Variants in CDKAL1 observed in about 807,000 individuals in gnomAD.
CDKAL1 encodes the protein threonylcarbamoyladenosine tRNA methylthiotransferase.
A neutral mutation model predicts 68.2 loss-of-function variants in CDKAL1; 32 were observed. That is an observed-to-expected ratio of 0.47 (90% CI 0.35 to 0.63). The LOEUF (loss-of-function observed/expected upper bound fraction) is 0.63. CDKAL1 is among the 30% of genes least tolerant of loss of function. CDKAL1 has a pLI of 0.00. For missense variants in CDKAL1, 606 were observed against 696.7 expected (o/e 0.87, Z 1.47); for synonymous variants, 234 against 244.3 (o/e 0.96, Z 0.39).
At chr6:21,134,070 G>A (rs958263783) in intron 13 of CDKAL1, among the ~76,000 whole-genome samples, 6 of 152,128 alleles carry the variant, frequency 3.9e-5, no homozygotes, top group Admixed American at 2.6e-4. Flanking sequence ...TCGTGGGGGC[G>A]TATGTGGCCG....
chr6:20,812,782 T>A (rs9368239), intron 8 of CDKAL1, among the ~76,000 whole-genome samples: 62,052 of 151,972 alleles, frequency 0.41, 12,948 homozygotes, highest in South Asian at 0.44. Context: ...TGTTTATTCG[T>A]TTACCTGTTG....
intron 11 of CDKAL1, among the ~76,000 whole-genome samples, chr6:21,046,041 CTT>C (rs1770209684): frequency 1.3e-5 from 2 of 152,156 alleles, no homozygotes; most frequent in Non-Finnish European, 2.9e-5. Flanking sequence ...CATTGGGCAG[CTT>C]ACATGACCTT....
intron 10 of CDKAL1, among the ~76,000 whole-genome samples, chr6:20,965,471 A>G (rs1166248184): frequency 1.3e-5 from 2 of 152,032 alleles, no homozygotes; most frequent in African/African-American, 2.4e-5. Flanking sequence ...TTGAATATCT[A>G]TCCTGGGTCA....
At chr6:21,205,830 C>CTTTTTTTT (rs34849597) in intron 15 of CDKAL1, among the ~76,000 whole-genome samples, 3 of 66,610 alleles carry the variant, frequency 4.5e-5, no homozygotes, top group African/African-American at 1.7e-4. Flanking sequence ...CGCGCCCAGC[C>CTTTTTTTT]TTTTTTTTTT....
At chr6:20,988,652 A>T (rs899568818) in intron 10 of CDKAL1, among the ~76,000 whole-genome samples, 4 of 151,536 alleles carry the variant, frequency 2.6e-5, no homozygotes, top group Non-Finnish European at 4.4e-5. Flanking sequence ...TTCTATTTTT[A>T]TTTATTTATT....
At chr6:20,858,216 C>T (rs759366490) in intron 9 of CDKAL1, among the ~76,000 whole-genome samples, 3 of 152,164 alleles carry the variant, frequency 2.0e-5, no homozygotes, top group Non-Finnish European at 4.4e-5. Context: ...GATTTTGATA[C>T]TGAGCTAGGC....
intron 13 of CDKAL1, among the ~76,000 whole-genome samples, chr6:21,114,923 T>C (rs957114956): frequency 6.6e-6 from 1 of 152,202 alleles, no homozygotes; most frequent in Non-Finnish European, 1.5e-5. Flanking sequence ...TTAATTCATA[T>C]CTGCTAGTGT....
At position 21,143,831 on chromosome 6, in the gene CDKAL1, C is replaced by T. The variant is rs146395073; in HGVS notation, c.1299+35368C>T. 4.9e-4 allele frequency among the ~76,000 whole-genome samples: 75 copies of T among 152,214 alleles called. 1 individual carries two copies. Among genetic ancestry groups the T allele is most frequent in the African/African-American group, 1.7e-3 (70 of 41,524 alleles). The stretch of plus-strand genomic sequence containing the variant: ...GACCTGTGTCTCAAGGGACCCTAGT[C>T]GGGAGGGTAATTGTTGCTGCTCTCT... On this transcript the variant is annotated intron_variant, in intron 13 of 15. Transcript: ENST00000274695.
chr6:20,618,924 C>T (rs1351007199), intron 4 of CDKAL1, among the ~76,000 whole-genome samples: 1 of 152,106 alleles, frequency 6.6e-6, no homozygotes, highest in Non-Finnish European at 1.5e-5. Context: ...AGCAGTCCAC[C>T]CTCCTTGGCC....
chr6:20,995,872 T>C (rs921882922), intron 10 of CDKAL1, among the ~76,000 whole-genome samples: 1 of 152,226 alleles, frequency 6.6e-6, no homozygotes, highest in African/African-American at 2.4e-5. Flanking sequence ...ATGAAAGTCC[T>C]AGATGCCACC....
intron 5 of CDKAL1, among the ~76,000 whole-genome samples, chr6:20,656,957 C>G (rs1017186769): frequency 6.6e-6 from 1 of 152,136 alleles, no homozygotes; most frequent in African/African-American, 2.4e-5. Context: ...AACACTTAAA[C>G]TAACATTTGA....
At chr6:20,755,051 AT>A (rs1774108887) in intron 6 of CDKAL1, among the ~76,000 whole-genome samples, 1 of 152,182 alleles carries the variant, frequency 6.6e-6, no homozygotes, top group Admixed American at 6.5e-5. Context: ...TTGAGCTTTT[AT>A]ATTTTTAACT....
At chr6:21,029,096 G>C (rs1025238391) in intron 11 of CDKAL1, among the ~76,000 whole-genome samples, 1 of 152,052 alleles carries the variant, frequency 6.6e-6, no homozygotes, top group Admixed American at 6.5e-5. Flanking sequence ...TCCCAGGCTG[G>C]AATGCAGTGG....
At chr6:21,205,967 T>C (rs1778913807) in intron 15 of CDKAL1, among the ~76,000 whole-genome samples, 1 of 150,006 alleles carries the variant, frequency 6.7e-6, no homozygotes, top group Non-Finnish European at 1.5e-5. Context: ...CCCGAATAGC[T>C]GGGACTACAG....
At chr6:21,078,486 G>A (rs145239457) in intron 12 of CDKAL1, among the ~76,000 whole-genome samples, 27 of 152,214 alleles carry the variant, frequency 1.8e-4, no homozygotes, top group Admixed American at 2.0e-4. Context: ...GCTCTCTGCC[G>A]TTAGAACTGT....
chr6:20,539,011 G>C lies in CDKAL1; in HGVS notation c.-6+3617G>C, dbSNP rs907918971. On this transcript the variant is annotated intron_variant, in intron 2 of 15. Coordinates refer to ENST00000274695, the MANE Select transcript of CDKAL1 (RefSeq NM_017774.3). The surrounding 1 kb of genome is among the most constrained non-coding windows in gnomAD (Gnocchi z 4.3). ...TATATATGTGGTGTCAGGTAGGTAA[G>C]CACAATGAAGAAACATGAAACAAAA... Among the ~76,000 whole-genome samples, 2 of 152,218 alleles carry C rather than the reference G, an allele frequency of 1.3e-5. No homozygotes were observed. Among genetic ancestry groups the C allele is most frequent in the Admixed American group, 6.5e-5 (1 of 15,280 alleles).
chr6:21,062,917 T>C (rs1188503130), intron 11 of CDKAL1, among the ~76,000 whole-genome samples: 2 of 152,102 alleles, frequency 1.3e-5, no homozygotes, highest in Non-Finnish European at 2.9e-5. Flanking sequence ...TTTGTTTGTT[T>C]GTTTGTTTGT....
intron 13 of CDKAL1, among the ~76,000 whole-genome samples, chr6:21,193,293 T>C (rs1337368302): frequency 3.3e-5 from 5 of 152,154 alleles, no homozygotes; most frequent in Non-Finnish European, 7.3e-5. Context: ...AGCATACATT[T>C]ACTGTTTAAA....
At chr6:20,711,182 A>G (rs889231758) in intron 5 of CDKAL1, among the ~76,000 whole-genome samples, 8 of 152,224 alleles carry the variant, frequency 5.3e-5, no homozygotes, top group Non-Finnish European at 8.8e-5. Flanking sequence ...TCCTCGGTGT[A>G]TACAGTGATT....
Sources: allele counts gnomAD v4.1 joint callset (sites outside exome capture counted in the v4.1 genomes callset), GRCh38; gene constraint gnomAD v4.1.1; non-coding constraint Gnocchi (gnomAD v3.1); transcripts MANE v1.5; gene names NCBI Gene and HGNC (gene_info 2026-07-23, HGNC 2026-07-21).